Variants in IGF1R observed in about 807,000 individuals in gnomAD.
IGF1R encodes the protein insulin-like growth factor 1 receptor.
IGF1R carries 44 observed loss-of-function variants against 144.6 expected under a neutral mutation model. That is an observed-to-expected ratio of 0.30 (90% CI 0.24 to 0.39). The LOEUF is 0.39. IGF1R is among the 10% of genes least tolerant of loss of function. The probability of loss-of-function intolerance (pLI) is 1.00; values close to 1 mark genes in which losing one functional copy is unlikely to be tolerated. For missense variants in IGF1R, 1,355 were observed against 1,833.7 expected (o/e 0.74, Z 4.77); for synonymous variants, 795 against 722.8 (o/e 1.10, Z -1.60).
At position 98,963,906 on chromosome 15, in the gene IGF1R, T is replaced by G. The variant is rs926273537; in HGVS notation, c.*6464T>G. 5 of 233,036 alleles carry G rather than the reference T, an allele frequency of 2.1e-5. No homozygotes were observed. The highest frequency in any genetic ancestry group is 1.1e-4 in the African/African-American group (5 of 45,240). The allele number at this position is 233,036 out of a possible 1,614,324, so 14.4% of individuals were successfully genotyped here. A position where few individuals can be genotyped will look rare whatever the true frequency, so the allele number is the denominator to read the frequency against. ...CATGTCTCCCCAACTCCACAATATC[T>G]CTATCATGGGAAACACCTGGGGTTT... On this transcript the variant is annotated 3_prime_UTR_variant, in exon 21 of 21. Coordinates refer to ENST00000650285, the MANE Select transcript of IGF1R (RefSeq NM_000875.5).
chr15:98,759,612 A>G (rs533417362), intron 2 of IGF1R, among the ~76,000 whole-genome samples: 2 of 152,368 alleles, frequency 1.3e-5, no homozygotes, highest in Non-Finnish European at 2.9e-5. Context: ...CTATGCATGT[A>G]TGTCAGAAGA....
intron 2 of IGF1R, among the ~76,000 whole-genome samples, chr15:98,723,176 C>T (rs763528098): frequency 7.2e-5 from 11 of 151,998 alleles, no homozygotes; most frequent in Non-Finnish European, 1.5e-4. Flanking sequence ...TTATTCCACG[C>T]TCCCCCACCC....
intron 2 of IGF1R, among the ~76,000 whole-genome samples, chr15:98,853,392 C>T (rs2011623361): frequency 6.6e-6 from 1 of 152,106 alleles, no homozygotes; most frequent in Non-Finnish European, 1.5e-5. Context: ...TTGCGTGGCC[C>T]GGAGCAGCTC....
chr15:98,840,896 G>A (rs2011162715), intron 2 of IGF1R, among the ~76,000 whole-genome samples: 1 of 152,050 alleles, frequency 6.6e-6, no homozygotes. Context: ...GGCCAGGCTG[G>A]TCTCAAACTC....
At chr15:98,950,546 C>T (rs898399274) in intron 20 of IGF1R, among the ~76,000 whole-genome samples, 1 of 152,246 alleles carries the variant, frequency 6.6e-6, no homozygotes, top group Non-Finnish European at 1.5e-5. Flanking sequence ...CTCTTGGAGG[C>T]CAAGGCCACT....
At chr15:98,825,531 C>G (rs2056877367) in intron 2 of IGF1R, among the ~76,000 whole-genome samples, 1 of 152,142 alleles carries the variant, frequency 6.6e-6, no homozygotes, top group Admixed American at 6.5e-5. Context: ...GTCCTAGATT[C>G]TCATAGGAGT....
intron 2 of IGF1R, among the ~76,000 whole-genome samples, chr15:98,741,825 TC>T (rs2054753299): frequency 6.6e-6 from 1 of 152,250 alleles, no homozygotes; most frequent in Non-Finnish European, 1.5e-5. Flanking sequence ...TTTCTCCTCC[TC>T]CATGGGGATT....
chr15:98,765,571 G>A (rs771204306), intron 2 of IGF1R, among the ~76,000 whole-genome samples: 4 of 151,786 alleles, frequency 2.6e-5, no homozygotes, highest in Admixed American at 2.0e-4. Context: ...TGATCTGCCC[G>A]CTTCAGCCTC....
At chr15:98,920,776 G>A (rs193067211) in intron 10 of IGF1R, among the ~76,000 whole-genome samples, 13 of 152,164 alleles carry the variant, frequency 8.5e-5, no homozygotes, top group African/African-American at 2.4e-4. Context: ...TCATGCCTTC[G>A]GTAGGACCCC....
intron 8 of IGF1R, among the ~76,000 whole-genome samples, chr15:98,914,601 C>T (rs1318601358): frequency 1.3e-5 from 2 of 152,176 alleles, no homozygotes; most frequent in Non-Finnish European, 2.9e-5. Context: ...AGAAGTTTTT[C>T]ATCTTAAAAT....
chr15:98,795,932 C>T (rs1385004315), intron 2 of IGF1R, among the ~76,000 whole-genome samples: 6 of 152,126 alleles, frequency 3.9e-5, no homozygotes, highest in South Asian at 2.1e-4. Flanking sequence ...GCTAAATCAC[C>T]GCTAAGATTT....
At chr15:98,770,303 G>A (rs1302077933) in intron 2 of IGF1R, among the ~76,000 whole-genome samples, 3 of 152,204 alleles carry the variant, frequency 2.0e-5, no homozygotes, top group East Asian at 3.9e-4. Context: ...ATCTCTTGGA[G>A]GTAGAGAGTA....
At chr15:98,911,518 T>C in intron 7 of IGF1R, 77 bp downstream of exon 7, 3 of 1,594,160 alleles carry the variant, frequency 1.9e-6, no homozygotes, top group Non-Finnish European at 2.6e-6. Context: ...GATCCTTGAA[T>C]GGGCTGGCTG....
intron 2 of IGF1R, among the ~76,000 whole-genome samples, chr15:98,835,108 CACCCCTACACCCACACACACCCA>C: frequency 6.9e-6 from 1 of 144,704 alleles, no homozygotes; most frequent in Non-Finnish European, 1.5e-5. Context: ...CACACACACA[CACCCCTACACCCACACACACCCA>C]CCCCTACACC....
At position 98,916,708 on chromosome 15, in the gene IGF1R, T is replaced by C. The variant is rs2015267709; in HGVS notation, c.2033T>C (p.Ile678Thr). The change falls in exon 10 of 21, where the codon ATC (isoleucine) becomes ACC (threonine). Residue 678 changes from isoleucine to threonine, a missense_variant. By Grantham distance (89) the Ile-to-Thr change is moderately conservative. This residue lies in a region of IGF1R where 880 missense variants were observed against 1,202.7 expected (regional missense o/e 0.73). Transcript: ENST00000650285. ...IPIRKYADGTIDIEEVTENPK... is the reference protein window; with the variant it reads ...IPIRKYADGTTDIEEVTENPK... ...ATCAGGAAGTATGCCGACGGCACCATCGACATTGAGGAGGTCACAGAGAAC... is the reference window on the plus strand; with the variant it reads ...ATCAGGAAGTATGCCGACGGCACCACCGACATTGAGGAGGTCACAGAGAAC... The C allele has an allele frequency of 1.2e-6, 2 of 1,614,068 alleles. No homozygotes were observed. The highest frequency in any genetic ancestry group is 1.7e-6 in the Non-Finnish European group (2 of 1,180,028).
intron 2 of IGF1R, among the ~76,000 whole-genome samples, chr15:98,736,612 TTTTTC>T: frequency 1.4e-5 from 2 of 141,132 alleles, no homozygotes; most frequent in African/African-American, 3.0e-5. Context: ...TCTTTTTTCT[TTTTTC>T]TTTTTTTTTT....
At chr15:98,948,774 C>T in intron 20 of IGF1R, 66 bp downstream of exon 20, 1 of 1,559,836 alleles carries the variant, frequency 6.4e-7, no homozygotes, top group Non-Finnish European at 8.8e-7. Flanking sequence ...TTTCTTGGGT[C>T]ACAGGAGATT....
At chr15:98,801,828 C>A (rs1485141548) in intron 2 of IGF1R, among the ~76,000 whole-genome samples, 1 of 152,226 alleles carries the variant, frequency 6.6e-6, no homozygotes, top group Admixed American at 6.5e-5. Context: ...ACTCCCAGCC[C>A]CCATCCCCGT....
At chr15:98,655,307 T>A (rs574991168) in intron 1 of IGF1R, among the ~76,000 whole-genome samples, 2 of 152,324 alleles carry the variant, frequency 1.3e-5, no homozygotes, top group South Asian at 4.1e-4. Flanking sequence ...TACCTTTGAT[T>A]TTGAGACTTT....
Sources: gnomAD v4.1 joint callset for allele counts (sites outside exome capture counted in the v4.1 genomes callset) on GRCh38, gnomAD v4.1.1 for gene constraint, gnomAD v4.1.1 regional missense constraint, MANE v1.5 for transcripts, NCBI Gene and HGNC (gene_info 2026-07-23, HGNC 2026-07-21) for gene names.